The following TPP2 variants were observed in gnomAD, a reference collection of about 807,000 sequenced individuals.
TPP2 encodes the protein tripeptidyl peptidase 2.
A neutral mutation model predicts 155.9 loss-of-function variants in TPP2; 34 were observed. That is an observed-to-expected ratio of 0.22 (90% CI 0.17 to 0.29). TPP2 has a LOEUF of 0.29. TPP2 is among the 10% of genes least tolerant of loss of function. The probability of loss-of-function intolerance (pLI) is 1.00; values close to 1 mark genes in which losing one functional copy is unlikely to be tolerated. For missense variants in TPP2, 1,028 were observed against 1,522.3 expected (o/e 0.68, Z 5.40); for synonymous variants, 510 against 529.4 (o/e 0.96, Z 0.50).
At position 102,670,709 on chromosome 13, in the gene TPP2, G is replaced by A. The variant is rs1250911053; in HGVS notation, c.3372-3574G>A. ...TTAGGATAGAAACAGGTTTTGTAAT[G>A]TATCAGTTATGCCCAAGGTGGGGTG... On this transcript the variant is annotated intron_variant, in intron 27 of 29. Transcript: ENST00000376052. Among the ~76,000 whole-genome samples the A allele has an allele frequency of 2.0e-5, 3 of 152,170 alleles. No individual in the cohort carries two copies. In the South Asian group the frequency reaches 6.2e-4, roughly 32 times the overall value.
chr13:102,675,148 T>A (rs1885214227), intron 28 of TPP2, among the ~76,000 whole-genome samples: 1 of 152,238 alleles, frequency 6.6e-6, no homozygotes, highest in Non-Finnish European at 1.5e-5. Context: ...GACCATCATT[T>A]TGTTTTAGTA....
chr13:102,653,526 C>T (rs1325884750), intron 24 of TPP2, among the ~76,000 whole-genome samples: 1 of 152,076 alleles, frequency 6.6e-6, no homozygotes, highest in East Asian at 1.9e-4. Context: ...CCTAGAGTGG[C>T]TGGGACTACA....
intron 15 of TPP2, among the ~76,000 whole-genome samples, chr13:102,638,561 T>G (rs1882542812): frequency 6.6e-6 from 1 of 152,202 alleles, no homozygotes; most frequent in Admixed American, 6.5e-5. Context: ...TCCACCACAG[T>G]CACTCTGAGC....
intron 16 of TPP2, 56 bp from the exon 17 acceptor site, chr13:102,643,166 A>C: frequency 6.7e-7 from 1 of 1,488,160 alleles, no homozygotes. Context: ...AAGCCACTTT[A>C]TGTCAATTTT....
chr13:102,677,390 C>T (rs1283585673), intron 29 of TPP2, among the ~76,000 whole-genome samples: 3 of 151,952 alleles, frequency 2.0e-5, no homozygotes, highest in Non-Finnish European at 4.4e-5. Flanking sequence ...GCTGCCTGTT[C>T]TCCACACAGC....
chr13:102,665,185 G>A (rs943903447), intron 27 of TPP2, among the ~76,000 whole-genome samples: 2 of 152,248 alleles, frequency 1.3e-5, no homozygotes, highest in Non-Finnish European at 2.9e-5. Context: ...GAATATCTGT[G>A]ATCAAGCAGT....
chr13:102,674,433 T>G lies in TPP2; in HGVS notation c.3522T>G (p.Asp1174Glu). The G allele has an allele frequency of 6.2e-7, 1 of 1,613,910 alleles. No homozygotes were observed. Among genetic ancestry groups the G allele is most frequent in the Non-Finnish European group, 8.5e-7 (1 of 1,179,834 alleles). Residue 1174 changes from aspartate (D) to glutamate (E), a missense_variant, in exon 28 of 30, where the codon GAT becomes GAG. Asp to Glu is a conservative substitution (Grantham distance 45). Coordinates refer to ENST00000376052, the MANE Select transcript of TPP2 (RefSeq NM_001330588.2). ...AGGAGGAAGGAGAAAGTCCTTTGGATTCTCTGGCAGAAACATTTTGGGAAA... is the reference window on the plus strand; with the variant it reads ...AGGAGGAAGGAGAAAGTCCTTTGGAGTCTCTGGCAGAAACATTTTGGGAAA... The part of the protein sequence containing the change: ...GKEEEGESPL[D>E]SLAETFWETT...
At chr13:102,645,335 T>A (rs936217861) in intron 19 of TPP2, among the ~76,000 whole-genome samples, 15 of 152,234 alleles carry the variant, frequency 9.9e-5, no homozygotes, top group Admixed American at 7.2e-4. Context: ...AATGCAGTCA[T>A]TTTTAGAAAC....
chr13:102,604,909 A>G lies in TPP2; in HGVS notation c.282A>G (p.Gly94=). ...ATGGTGAGATTGTTGGCCTTTCAGG[A>G]AGAGTGCTTAAGGTGAGACCTTTTG... is the stretch of plus-strand genomic sequence containing the variant. ...PKDGEIVGLS[G]RVLKIPASWT... Residue 94 remains glycine, a synonymous_variant, in exon 2 of 30, where the codon GGA becomes GGG. Coordinates refer to ENST00000376052, the MANE Select transcript of TPP2 (RefSeq NM_001330588.2). 1 of 1,613,710 alleles carries G rather than the reference A, an allele frequency of 6.2e-7. No homozygotes were observed. The highest frequency in any genetic ancestry group is 8.5e-7 in the Non-Finnish European group (1 of 1,179,902).
chr13:102,636,688 T>A (rs1365428692), intron 13 of TPP2, among the ~76,000 whole-genome samples: 1 of 152,230 alleles, frequency 6.6e-6, no homozygotes, highest in Non-Finnish European at 1.5e-5. Flanking sequence ...CCACTTTACC[T>A]ACTTAGGTAT....
chr13:102,641,495 A>C (rs111348686), intron 16 of TPP2, among the ~76,000 whole-genome samples: 1 of 152,296 alleles, frequency 6.6e-6, no homozygotes, highest in African/African-American at 2.4e-5. Context: ...TTGTACTTGT[A>C]TGAAAGTACA....
intron 17 of TPP2, among the ~76,000 whole-genome samples, chr13:102,644,093 T>C (rs1164632424): frequency 6.6e-6 from 1 of 152,214 alleles, no homozygotes; most frequent in East Asian, 1.9e-4. Context: ...CTTTATTTTT[T>C]AATAGGGAGA....
intron 11 of TPP2, 125 bp downstream of exon 11, chr13:102,634,223 C>T (rs60670583): frequency 0.11 from 138,689 of 1,274,584 alleles, 8,771 homozygotes; most frequent in African/African-American, 0.25. Context: ...TTTAAGGTAA[C>T]GAATAACTTA....
rs770008019 is a variant in TPP2 at position 102,645,045 on chromosome 13, A to G, written c.2393+36A>G. ...ATGTTTTAGGAACTACAGATATTGA[A>G]TATAGATTGGGGGGATCTCTTACAC... On this transcript the variant is annotated intron_variant, in intron 19 of 29. Transcript: ENST00000376052. 4 of 1,589,258 alleles carry G rather than the reference A, an allele frequency of 2.5e-6. No homozygotes were observed. In the South Asian group the frequency reaches 3.4e-5, roughly 13 times the overall value.
chr13:102,635,451 A>T (rs1306724206), intron 11 of TPP2, 136 bp from the exon 12 acceptor site: 9 of 594,698 alleles, frequency 1.5e-5, no homozygotes, highest in Non-Finnish European at 2.0e-5. Flanking sequence ...TCAGGTCTTC[A>T]AAAAAGATTT....
At chr13:102,661,600 A>G (rs371255383) in intron 25 of TPP2, among the ~76,000 whole-genome samples, 2 of 152,212 alleles carry the variant, frequency 1.3e-5, no homozygotes, top group Non-Finnish European at 2.9e-5. Context: ...AAATGGCTCA[A>G]TTTTTTAAAT....
intron 29 of TPP2, among the ~76,000 whole-genome samples, chr13:102,677,760 A>AATAT (rs1885377843): frequency 6.6e-6 from 1 of 152,200 alleles, no homozygotes; most frequent in Non-Finnish European, 1.5e-5. Flanking sequence ...TATTATTTCT[A>AATAT]CTGTACACCT....
chr13:102,645,468 G>A (rs994706838), intron 19 of TPP2, among the ~76,000 whole-genome samples: 1 of 152,182 alleles, frequency 6.6e-6, no homozygotes, highest in Non-Finnish European at 1.5e-5. Flanking sequence ...CATACTCACT[G>A]TGTTATAAAG....
chr13:102,620,746 G>T (rs1431467549), intron 5 of TPP2, among the ~76,000 whole-genome samples: 1 of 152,204 alleles, frequency 6.6e-6, no homozygotes, highest in Non-Finnish European at 1.5e-5. Context: ...AGGACGCAGA[G>T]CCTCAGACTC....
Sources: gnomAD v4.1 joint callset for allele counts (sites outside exome capture counted in the v4.1 genomes callset) on GRCh38, gnomAD v4.1.1 for gene constraint, MANE v1.5 for transcripts, NCBI Gene and HGNC (gene_info 2026-07-23, HGNC 2026-07-21) for gene names.